Variants in STK32B observed in about 807,000 individuals in gnomAD.
STK32B encodes the protein serine/threonine kinase 32B, also known as serine/threonine-protein kinase 32B.
Under a neutral mutation model 52.6 loss-of-function variants are expected in STK32B, and 43 were observed. The observed-to-expected ratio is 0.82, with a 90% CI of 0.64 to 1.05. STK32B has a LOEUF of 1.05. Ranked by LOEUF, STK32B falls within the 50% of genes least tolerant of loss-of-function variation. STK32B has a pLI of 0.00. For missense variants in STK32B, 621 were observed against 534.6 expected, an observed-to-expected ratio of 1.16 and a Z score of -1.59; for synonymous variants, 238 against 204.3, an observed-to-expected ratio of 1.17 and a Z score of -1.41.
chr4:5,340,145 G>A (rs1379279987), intron 4 of STK32B, among the ~76,000 whole-genome samples: 1 of 152,176 alleles, frequency 6.6e-6, no homozygotes, highest in Non-Finnish European at 1.5e-5. Flanking sequence ...ATCTGGGCCA[G>A]GCTGTGTACC....
intron 1 of STK32B, among the ~76,000 whole-genome samples, chr4:5,088,146 G>A (rs11731456): frequency 0.11 from 16,995 of 152,060 alleles, 1,098 homozygotes; most frequent in East Asian, 0.17. Context: ...AGGAAAGCTG[G>A]AAGATTCACC....
chr4:5,090,439 A>G (rs1440353103), intron 1 of STK32B, among the ~76,000 whole-genome samples: 2 of 144,676 alleles, frequency 1.4e-5, no homozygotes, highest in Non-Finnish European at 3.0e-5. Context: ...GCAGTGGCAC[A>G]ATCTTGGCTC....
intron 3 of STK32B, among the ~76,000 whole-genome samples, chr4:5,276,495 T>C (rs912562576): frequency 7.9e-5 from 12 of 152,112 alleles, no homozygotes; most frequent in African/African-American, 2.9e-4. Flanking sequence ...ATGTTTCCAG[T>C]GTCTCTTATG....
intron 1 of STK32B, among the ~76,000 whole-genome samples, chr4:5,088,438 A>G (rs1326627237): frequency 6.6e-6 from 1 of 152,128 alleles, no homozygotes; most frequent in African/African-American, 2.4e-5. Context: ...TATATGTTTT[A>G]AAATAACTAA....
chr4:5,301,392 C>G (rs557959506), intron 3 of STK32B, among the ~76,000 whole-genome samples: 3 of 152,006 alleles, frequency 2.0e-5, no homozygotes, highest in Non-Finnish European at 4.4e-5. Context: ...CCATCTGAGT[C>G]TGGGCTTTAC....
chr4:5,259,011 T>A (rs1037425000), intron 3 of STK32B, among the ~76,000 whole-genome samples: 9 of 152,204 alleles, frequency 5.9e-5, no homozygotes, highest in Admixed American at 1.3e-4. Flanking sequence ...CCTTTGAGCC[T>A]GTTGTACCCT....
intron 8 of STK32B, among the ~76,000 whole-genome samples, 168 bp from the exon 9 acceptor site, chr4:5,459,935 G>A (rs1477238699): frequency 6.6e-6 from 1 of 152,190 alleles, no homozygotes; most frequent in Non-Finnish European, 1.5e-5. Flanking sequence ...GCTATAAAGA[G>A]ATGAGTGCAG....
intron 3 of STK32B, among the ~76,000 whole-genome samples, chr4:5,242,331 T>C (rs190133635): frequency 1.3e-5 from 2 of 152,378 alleles, no homozygotes; most frequent in East Asian, 1.9e-4. Context: ...TGGCCAGTGA[T>C]GATGAGCAGT....
the STK32B span, among the ~76,000 whole-genome samples, chr4:5,023,295 GTC>G: frequency 6.6e-6 from 1 of 152,192 alleles, no homozygotes; most frequent in African/African-American, 2.4e-5. Context: ...CAAGCATACT[GTC>G]TCTCTGGGGT....
intron 4 of STK32B, among the ~76,000 whole-genome samples, chr4:5,334,377 G>C (rs1466135578): frequency 2.0e-5 from 3 of 152,200 alleles, no homozygotes; most frequent in African/African-American, 7.2e-5. Context: ...GAGATTTTGG[G>C]CTGAGACAAT....
Position 5,386,247 on chromosome 4 carries a change from C to T in STK32B, c.435-11960C>T, listed in dbSNP as rs1379591373. ...TCATATTATGCAGTTTTATCTTTGA[C>T]TGTCTCTTGTTTTCTTAGCTCCTGG... is the stretch of plus-strand genomic sequence containing the variant. On this transcript the variant is annotated intron_variant, in intron 4 of 11. Coordinates refer to ENST00000282908, the MANE Select transcript of STK32B (RefSeq NM_018401.3). This position sits in a 1 kb window ranked among gnomAD's most constrained non-coding sequence, Gnocchi z 4.5. 1.3e-5 allele frequency among the ~76,000 whole-genome samples: 2 copies of T among 152,054 alleles called. No homozygotes were observed. The highest frequency in any genetic ancestry group is 2.9e-5 in the Non-Finnish European group (2 of 68,018).
At chr4:5,457,255 G>A (rs186382689) in intron 8 of STK32B, among the ~76,000 whole-genome samples, 119 of 132,170 alleles carry the variant, frequency 9.0e-4, no homozygotes, top group African/African-American at 3.1e-3. Flanking sequence ...TCACTCTGTC[G>A]CCCAGGCTGG....
chr4:5,319,357 C>G (rs1359361837), intron 3 of STK32B, among the ~76,000 whole-genome samples: 2 of 152,188 alleles, frequency 1.3e-5, no homozygotes, highest in Non-Finnish European at 2.9e-5. Flanking sequence ...CTCAACTGCT[C>G]TCCTGCCTAA....
chr4:5,228,007 A>G (rs1354418315), intron 3 of STK32B, among the ~76,000 whole-genome samples: 4 of 152,168 alleles, frequency 2.6e-5, no homozygotes, highest in African/African-American at 9.7e-5. Flanking sequence ...AATGAGATCC[A>G]GTATCTGGGA....
At chr4:5,047,109 T>C (rs867418435), upstream of STK32B, among the ~76,000 whole-genome samples, 3 of 151,914 alleles carry the variant, frequency 2.0e-5, no homozygotes, top group African/African-American at 4.8e-5. Context: ...CAATGATAAA[T>C]GGGATAAAGA....
intron 3 of STK32B, among the ~76,000 whole-genome samples, chr4:5,317,254 CATATAACATATATATAAT>C (rs1406873149): frequency 1.1e-4 from 2 of 17,686 alleles, no homozygotes; most frequent in Non-Finnish European, 1.5e-4. Flanking sequence ...TTATATATAA[CATATAACATATATATAAT>C]ATATAACATA....
Position 5,375,350 on chromosome 4 carries a change from C to T in STK32B, c.435-22857C>T, listed in dbSNP as rs574800394. The stretch of plus-strand genomic sequence containing the variant: ...GAACACACAGACCCCTCTGCTTCCA[C>T]GGTGCTCTCTGCCCCAAACTCCAAT... On this transcript the variant is annotated intron_variant, in intron 4 of 11. Coordinates refer to ENST00000282908, the MANE Select transcript of STK32B (RefSeq NM_018401.3). Among the ~76,000 whole-genome samples, 16 of 152,292 alleles carry T rather than the reference C, an allele frequency of 1.1e-4. No homozygotes were observed. The South Asian group carries it at 2.9e-3, about 28-fold the overall frequency.
At chr4:5,323,098 G>A (rs1731628175) in intron 3 of STK32B, among the ~76,000 whole-genome samples, 1 of 152,132 alleles carries the variant, frequency 6.6e-6, no homozygotes, top group Non-Finnish European at 1.5e-5. Flanking sequence ...GGTCTGTGAA[G>A]AGCACCTCTC....
chr4:5,262,048 T>C (rs1726744648), intron 3 of STK32B, among the ~76,000 whole-genome samples: 1 of 152,192 alleles, frequency 6.6e-6, no homozygotes, highest in African/African-American at 2.4e-5. Flanking sequence ...CTCTAACAAA[T>C]TGCTGATTCT....
Sources: gnomAD v4.1 joint callset for allele counts (sites outside exome capture counted in the v4.1 genomes callset) on GRCh38, gnomAD v4.1.1 for gene constraint, Gnocchi (gnomAD v3.1) non-coding constraint, MANE v1.5 for transcripts, NCBI Gene and HGNC (gene_info 2026-07-23, HGNC 2026-07-21) for gene names.